ADGRG3: variants seen among roughly 807,000 people sequenced by gnomAD.
ADGRG3 encodes adhesion G protein-coupled receptor G3.
Under a neutral mutation model 54.3 loss-of-function variants are expected in ADGRG3, and 39 were observed. The observed-to-expected ratio is 0.72, with a 90% CI of 0.56 to 0.94. The LOEUF is 0.94. ADGRG3 is among the 40% of genes least tolerant of loss of function. The pLI, the probability that ADGRG3 is intolerant of heterozygous loss-of-function variation, is 0.00. For synonymous variants in ADGRG3, 312 were observed against 290.0 expected (o/e 1.08, Z -0.77); for missense variants, 654 against 694.6 (o/e 0.94, Z 0.66).
At chr16:57,670,448 T>C (rs1233549920) in intron 1 of ADGRG3, among the ~76,000 whole-genome samples, 1 of 152,146 alleles carries the variant, frequency 6.6e-6, no homozygotes, top group African/African-American at 2.4e-5. Flanking sequence ...TGGCAGAGAA[T>C]GGCACCCGTC....
At chr16:57,666,854 C>A (rs1302144988), upstream of ADGRG3, among the ~76,000 whole-genome samples, 3 of 152,180 alleles carry the variant, frequency 2.0e-5, no homozygotes, top group East Asian at 1.9e-4. Flanking sequence ...CACACTGGTA[C>A]CTGCGAGCCT....
intron 9 of ADGRG3, 57 bp downstream of exon 9, chr16:57,684,269 A>G (rs2048430278): frequency 2.5e-6 from 4 of 1,586,382 alleles, no homozygotes; most frequent in South Asian, 2.3e-5. Context: ...GCAGAGGGAA[A>G]TAGCCTTGGG....
chr16:57,674,314 G>C (rs542947473), intron 2 of ADGRG3, among the ~76,000 whole-genome samples: 6 of 152,238 alleles, frequency 3.9e-5, no homozygotes, highest in African/African-American at 1.4e-4. Flanking sequence ...GGTTAGATGT[G>C]GGGGTGAGGG....
intron 8 of ADGRG3, 39 bp downstream of exon 8, chr16:57,680,656 C>A: frequency 7.2e-7 from 1 of 1,393,438 alleles, no homozygotes; most frequent in Non-Finnish European, 1.0e-6. Context: ...CTCCCTCCCG[C>A]CCTCAAGGGA....
rs748415309 is a variant in ADGRG3, at chr16:57,673,274, G to T, written c.59-47G>T. 1.0e-5 allele frequency: 16 copies of T among 1,574,962 alleles called. No homozygotes were observed. In the African/African-American group the frequency reaches 2.0e-4, roughly 20 times the overall value. ...CCTTTCCCTGCTCCTCATCCTTGCT[G>T]CCCATCTTCGTCCAGCCCATTCACA... is the stretch of plus-strand genomic sequence containing the variant. On this transcript the variant is annotated intron_variant, in intron 1 of 11. Transcript: ENST00000333493.
Position 57,679,206 on chromosome 16 carries a change from C to T in ADGRG3, c.522C>T (p.Ser174=), listed in dbSNP as rs765606115. 17 of 1,613,812 alleles carry T rather than the reference C, an allele frequency of 1.1e-5. No homozygotes were observed. Among genetic ancestry groups the T allele is most frequent in the Non-Finnish European group, 1.4e-5 (16 of 1,179,908 alleles). The change falls in exon 5 of 12, where the codon AGC becomes AGT. Residue 174 remains serine (S), a synonymous_variant. Coordinates refer to ENST00000333493, the MANE Select transcript of ADGRG3 (RefSeq NM_170776.5). ...KGPRLGLGDG[S]GVLNNRLVGL... ...CCCGGCTCGGCCTGGGAGATGGCAG[C>T]GGCGTGTTGAACAATCGCCTGGTGG... is the stretch of plus-strand genomic sequence containing the variant.
chr16:57,681,943 C>T (rs2048380053), intron 8 of ADGRG3, among the ~76,000 whole-genome samples: 1 of 152,174 alleles, frequency 6.6e-6, no homozygotes, highest in Admixed American at 6.5e-5. Flanking sequence ...CCCGTGTATA[C>T]ACCAGAGTTG....
chr16:57,687,926 A>G (rs1206738121), intron 11 of ADGRG3, among the ~76,000 whole-genome samples: 1 of 152,198 alleles, frequency 6.6e-6, no homozygotes, highest in Non-Finnish European at 1.5e-5. Flanking sequence ...TTGCATATAG[A>G]GGTTTAGTTA....
chr16:57,686,634 T>G, intron 11 of ADGRG3: 1 of 152,294 alleles, frequency 6.6e-6, no homozygotes, highest in Non-Finnish European at 1.5e-5. Flanking sequence ...TGGAAACTCC[T>G]TCATTCTCTC....
At chr16:57,676,475 G>A (rs749651271) in intron 3 of ADGRG3, 137 bp downstream of exon 3, 471 of 764,988 alleles carry the variant, frequency 6.2e-4, no homozygotes, top group Non-Finnish European at 8.6e-4. Context: ...GCAGAGCTGC[G>A]TCTGTAAAAT....
In ADGRG3 at chr16:57,685,828, G is replaced by A. The variant is rs760823193; in HGVS notation, c.1442G>A (p.Gly481Asp). ...CGGAAGAAGGTGCTCACCCTGCTGG[G>A]CCTCTCGAGCCTGGTGGGTGTGACA... ...KNRKKVLTLL[G>D]LSSLVGVTWG... Residue 481 changes from glycine to aspartate, a missense_variant, in exon 11 of 12, where the codon GGC (glycine) becomes GAC (aspartate). By Grantham distance (94) the Gly-to-Asp change is moderately conservative (BLOSUM62 -1). Coordinates refer to ENST00000333493, the MANE Select transcript of ADGRG3 (RefSeq NM_170776.5). 3 of 1,614,050 alleles carry A rather than the reference G, an allele frequency of 1.9e-6. No homozygotes were observed. Among genetic ancestry groups the A allele is most frequent in the East Asian group, 4.5e-5 (2 of 44,898 alleles).
intron 2 of ADGRG3, 88 bp downstream of exon 2, chr16:57,673,556 C>A: frequency 4.6e-6 from 6 of 1,292,260 alleles, no homozygotes; most frequent in East Asian, 4.7e-5. Flanking sequence ...TCCCCCATGG[C>A]CCCAGAAAAT....
chr16:57,681,008 G>A (rs1281555160), intron 8 of ADGRG3: 1 of 207,780 alleles, frequency 4.8e-6, no homozygotes, highest in Non-Finnish European at 1.0e-5. Flanking sequence ...CAGTCACATC[G>A]GGCAGCTTTA....
rs757480103 is a variant in ADGRG3, at chr16:57,679,340, A to T, written c.627+29A>T. The T allele has an allele frequency of 2.4e-5, 38 of 1,611,656 alleles. No homozygotes were observed. In the Admixed American group the frequency reaches 2.7e-4, roughly 11 times the overall value. On this transcript the variant is annotated intron_variant, in intron 5 of 11. Coordinates refer to ENST00000333493, the MANE Select transcript of ADGRG3 (RefSeq NM_170776.5). ...AGTCCCCTGCTCAGGCCTGGCAGCC[A>T]CTGCAGGGCAGACAGGCGAGTGGGC...
chr16:57,687,071 T>C lies in ADGRG3; in HGVS notation c.1540+1145T>C, dbSNP rs1262094767. 2.0e-5 allele frequency among the ~76,000 whole-genome samples: 3 copies of C among 152,098 alleles called. No homozygotes were observed. In the East Asian group the frequency reaches 5.8e-4, roughly 29 times the overall value. Reference sequence around the variant, plus strand: ...ACCCAGGCGTCCTAGATGCAGCGGGTATAAGCCCCCAAGACCAGGACTGGC... The same window carrying C: ...ACCCAGGCGTCCTAGATGCAGCGGGCATAAGCCCCCAAGACCAGGACTGGC... On this transcript the variant is annotated intron_variant, in intron 11 of 11. Coordinates refer to ENST00000333493, the MANE Select transcript of ADGRG3 (RefSeq NM_170776.5).
intron 6 of ADGRG3, among the ~76,000 whole-genome samples, 165 bp downstream of exon 6, chr16:57,680,020 C>CG (rs1457916190): frequency 2.7e-5 from 1 of 37,190 alleles, no homozygotes; most frequent in East Asian, 1.1e-3. Flanking sequence ...TCCCCTCCCC[C>CG]CCCTCCTCAC....
chr16:57,679,672 T>C (rs2048327525), intron 5 of ADGRG3, 144 bp from the exon 6 acceptor site: 2 of 747,414 alleles, frequency 2.7e-6, no homozygotes, highest in African/African-American at 3.4e-5. Flanking sequence ...TTAATTTTTC[T>C]GTGTGGCCCA....
chr16:57,680,487 T>TTCTGGGGTCACCCCAGAGTC lies in ADGRG3; in HGVS notation c.769-5_769-4insCAGAGTCTCTGGGGTCACCC. On this transcript the variant is annotated splice_polypyrimidine_tract_variant and intron_variant, in intron 7 of 11. Coordinates refer to ENST00000333493, the MANE Select transcript of ADGRG3 (RefSeq NM_170776.5). ...TGGCCTCCAACTGACGTGGTCCCGG[T>TTCTGGGGTCACCCCAGAGTC]TCTGGGGTCACCCACAGAGACCCAC... The TTCTGGGGTCACCCCAGAGTC allele has an allele frequency of 6.3e-7, 1 of 1,599,608 alleles. No homozygotes were observed. Among genetic ancestry groups the TTCTGGGGTCACCCCAGAGTC allele is most frequent in the East Asian group, 2.2e-5 (1 of 44,730 alleles).
In ADGRG3 at chr16:57,684,378, C is replaced by T. The variant is rs2148713283; in HGVS notation, c.1163-12C>T. On this transcript the variant is annotated splice_polypyrimidine_tract_variant and intron_variant, in intron 9 of 11. Transcript: ENST00000333493. ...GCCCCAGTGGTGTCATGCCATTTCCCCTTGTGCCCAGGCCTGCCCGCCCTG... is the reference window on the plus strand; with the variant it reads ...GCCCCAGTGGTGTCATGCCATTTCCTCTTGTGCCCAGGCCTGCCCGCCCTG... 1.9e-6 allele frequency: 3 copies of T among 1,610,804 alleles called. No homozygotes were observed. Among genetic ancestry groups the T allele is most frequent in the Non-Finnish European group, 1.7e-6 (2 of 1,177,386 alleles).
Sources: allele counts gnomAD v4.1 joint callset (sites outside exome capture counted in the v4.1 genomes callset), GRCh38; gene constraint gnomAD v4.1.1; transcripts MANE v1.5; gene names NCBI Gene and HGNC (gene_info 2026-07-23, HGNC 2026-07-21).